SAP130: variants seen among roughly 807,000 people sequenced by gnomAD.
SAP130 encodes the protein Sin3A associated protein 130.
A neutral mutation model predicts 103.2 loss-of-function variants in SAP130; 16 were observed. The observed-to-expected ratio is 0.16, with a 90% CI of 0.10 to 0.24. The LOEUF is 0.24. SAP130 is among the 10% of genes least tolerant of loss of function. The pLI is 1.00. For missense variants in SAP130, 990 were observed against 1,359.7 expected (o/e 0.73, Z 4.28); for synonymous variants, 477 against 497.0 (o/e 0.96, Z 0.53).
chr2:128,016,286 C>T, intron 4 of SAP130, 103 bp downstream of exon 4: 3 of 1,252,744 alleles, frequency 2.4e-6, no homozygotes, highest in South Asian at 2.9e-5. Context: ...ACTGTTTGAT[C>T]TTTTTTTATT....
At chr2:127,983,219 C>T (rs1239956587) in intron 14 of SAP130, among the ~76,000 whole-genome samples, 1 of 152,162 alleles carries the variant, frequency 6.6e-6, no homozygotes, top group Non-Finnish European at 1.5e-5. Flanking sequence ...CCATATGGTA[C>T]TACTGAGCAA....
In SAP130 at chr2:128,016,350, T is replaced by C. The variant is rs746421925; in HGVS notation, c.507+39A>G. The stretch of plus-strand genomic sequence containing the variant: ...ATAAATCATGATCAACAGTTTGGCA[T>C]TTCAGTTTGAAAATCAGCAAATTAA... On this transcript the variant is annotated intron_variant, in intron 4 of 20. Coordinates refer to ENST00000643581, the MANE Select transcript of SAP130 (RefSeq NM_001330301.2). 2.5e-6 allele frequency: 4 copies of C among 1,594,196 alleles called. No individual in the cohort carries two copies. In the South Asian group the frequency reaches 4.5e-5, roughly 18 times the overall value.
In SAP130 at chr2:127,989,410, GA is replaced by G. The variant is rs1219738277; in HGVS notation, c.1780+153del. Among the ~76,000 whole-genome samples, 1 of 152,084 alleles carries G rather than the reference GA, an allele frequency of 6.6e-6. No individual in the cohort carries two copies. The highest frequency in any genetic ancestry group is 2.4e-5 in the African/African-American group (1 of 41,400). ...TATTTCTAACGTTTACAGTGACCCTGAAACTCTAAGTTCTAAGCAACTCATA... is the reference window on the plus strand; with the variant it reads ...TATTTCTAACGTTTACAGTGACCCTGAACTCTAAGTTCTAAGCAACTCATA... On this transcript the variant is annotated intron_variant, in intron 13 of 20. Coordinates refer to ENST00000643581, the MANE Select transcript of SAP130 (RefSeq NM_001330301.2). The surrounding 1 kb of genome is among the most constrained non-coding windows in gnomAD (Gnocchi z 4.6).
chr2:127,993,047 C>G, intron 12 of SAP130, 140 bp downstream of exon 12: 1 of 1,122,330 alleles, frequency 8.9e-7, no homozygotes. Flanking sequence ...TTAAGACCTT[C>G]AAGCTTCACA....
At position 127,989,818 on chromosome 2, in the gene SAP130, C is replaced by T; in HGVS notation, c.1526G>A (p.Gly509Glu). ...GTTTAGGTGGACGGTAGACGCTACC[C>T]CAACACCAGTCTGAGCTGTGATGGC... ...NSAITAQTGV[G>E]VASTVHLNPM... The change falls in exon 13 of 21, where the codon GGG (glycine) becomes GAG (glutamate). Residue 509 changes from glycine (G) to glutamate (E), a missense_variant. Physicochemically the swap from Gly to Glu is moderately conservative, Grantham distance 98. Around this residue, in one of 6 missense-constraint regions of SAP130, gnomAD observed 336 missense variants for 520.1 expected, o/e 0.65. Coordinates refer to ENST00000643581, the MANE Select transcript of SAP130 (RefSeq NM_001330301.2). The surrounding 1 kb of genome is among the most constrained non-coding windows in gnomAD (Gnocchi z 4.6). 1 of 1,614,106 alleles carries T rather than the reference C, an allele frequency of 6.2e-7. No homozygotes were observed. Among genetic ancestry groups the T allele is most frequent in the South Asian group, 1.1e-5 (1 of 91,074 alleles).
At chr2:127,954,899 G>T in intron 16 of SAP130, 87 bp downstream of exon 16, 1 of 1,053,796 alleles carries the variant, frequency 9.5e-7, no homozygotes, top group Middle Eastern at 2.1e-4. Context: ...CTTGGCTGAG[G>T]GTTACAGAAG....
intron 2 of SAP130, among the ~76,000 whole-genome samples, chr2:128,020,664 G>C (rs976178590): frequency 6.6e-6 from 1 of 152,258 alleles, no homozygotes; most frequent in South Asian, 2.1e-4. Context: ...TATATACCTA[G>C]GATTAGAACT....
chr2:127,978,625 G>C (rs944156701), intron 14 of SAP130, among the ~76,000 whole-genome samples: 1 of 152,132 alleles, frequency 6.6e-6, no homozygotes, highest in East Asian at 1.9e-4. Flanking sequence ...GTTTAGTTTT[G>C]ACAGAGTGGT....
intron 14 of SAP130, among the ~76,000 whole-genome samples, chr2:127,982,006 A>G (rs972128184): frequency 3.3e-5 from 5 of 152,196 alleles, no homozygotes; most frequent in Non-Finnish European, 7.3e-5. Flanking sequence ...CTGACCTTAC[A>G]GTAACATTGT....
At chr2:127,993,084 T>C in intron 12 of SAP130, 103 bp downstream of exon 12, 1 of 1,354,050 alleles carries the variant, frequency 7.4e-7, no homozygotes, top group East Asian at 2.3e-5. Context: ...AAACAGAAGC[T>C]GAAATAATTA....
Position 128,028,031 on chromosome 2 carries a change from C to G in SAP130, c.-98G>C. 3 of 963,850 alleles carry G rather than the reference C, an allele frequency of 3.1e-6. No homozygotes were observed. The highest frequency in any genetic ancestry group is 3.7e-6 in the Non-Finnish European group (3 of 810,052). 59.7% of individuals were successfully genotyped at this position (963,850 alleles called of 1,614,324 possible). Reference sequence around the variant, plus strand: ...GGCCGACGTCCCCAGGCTCCGGACCCGCAGCCACCGCCGGGGAGCTAGCAC... The same window carrying G: ...GGCCGACGTCCCCAGGCTCCGGACCGGCAGCCACCGCCGGGGAGCTAGCAC... On this transcript the variant is annotated 5_prime_UTR_variant, in exon 1 of 21. Coordinates refer to ENST00000643581, the MANE Select transcript of SAP130 (RefSeq NM_001330301.2).
At chr2:127,990,539 T>C (rs1201540345) in intron 12 of SAP130, among the ~76,000 whole-genome samples, 1 of 152,214 alleles carries the variant, frequency 6.6e-6, no homozygotes, top group Non-Finnish European at 1.5e-5. Flanking sequence ...AAGCTACCTT[T>C]TCCCTAAATA....
At chr2:127,993,086 A>G in intron 12 of SAP130, 101 bp downstream of exon 12, 1 of 1,361,700 alleles carries the variant, frequency 7.3e-7, no homozygotes, top group East Asian at 2.3e-5. Context: ...ACAGAAGCTG[A>G]AATAATTAAT....
At position 127,985,143 on chromosome 2, in the gene SAP130, T is replaced by C. The variant is rs1682278956; in HGVS notation, c.1958+1642A>G. Among the ~76,000 whole-genome samples the C allele has an allele frequency of 2.0e-5, 3 of 152,374 alleles. No homozygotes were observed. The South Asian group carries it at 6.2e-4, about 32-fold the overall frequency. On this transcript the variant is annotated intron_variant, in intron 14 of 20. Coordinates refer to ENST00000643581, the MANE Select transcript of SAP130 (RefSeq NM_001330301.2). Reference sequence around the variant, plus strand: ...CCTGTTCTCCCCATCCTTGTGTGTTTACAACTTTTTTGAAAAAAAGTTATA... The same window carrying C: ...CCTGTTCTCCCCATCCTTGTGTGTTCACAACTTTTTTGAAAAAAAGTTATA...
At chr2:128,006,347 TGACA>T (rs1683973525) in intron 7 of SAP130, among the ~76,000 whole-genome samples, 2 of 152,352 alleles carry the variant, frequency 1.3e-5, no homozygotes, top group South Asian at 2.1e-4. Context: ...GTCAAAGAAC[TGACA>T]GACTGAATGT....
intron 14 of SAP130, among the ~76,000 whole-genome samples, chr2:127,985,007 G>C (rs1191332359): frequency 6.6e-6 from 1 of 152,232 alleles, no homozygotes; most frequent in Non-Finnish European, 1.5e-5. Flanking sequence ...AATTTTAAAA[G>C]AGGATGGTTC....
intron 15 of SAP130, among the ~76,000 whole-genome samples, chr2:127,972,632 C>T (rs1008759714): frequency 3.9e-5 from 6 of 152,064 alleles, no homozygotes; most frequent in Non-Finnish European, 5.9e-5. Flanking sequence ...ATGGTGGGTG[C>T]CTTTAATCCC....
rs1179543644 is a variant in SAP130 at position 127,953,834 on chromosome 2, T to A, written c.2422+1152A>T. ...CCTGGCTACAGCTTTCCTTATATTT[T>A]GTCCCTGCTTTGTTTCTCCATAGAA... On this transcript the variant is annotated intron_variant, in intron 16 of 20. Coordinates refer to ENST00000643581, the MANE Select transcript of SAP130 (RefSeq NM_001330301.2). This position sits in a 1 kb window ranked among gnomAD's most constrained non-coding sequence, Gnocchi z 4.0. Among the ~76,000 whole-genome samples, 1 of 152,192 alleles carries A rather than the reference T, an allele frequency of 6.6e-6. No individual in the cohort carries two copies. The highest frequency in any genetic ancestry group is 2.4e-5 in the African/African-American group (1 of 41,446).
intron 15 of SAP130, among the ~76,000 whole-genome samples, chr2:127,967,010 A>G (rs1461077107): frequency 6.6e-6 from 1 of 152,224 alleles, no homozygotes; most frequent in Non-Finnish European, 1.5e-5. Context: ...AAAGAAAGCT[A>G]CGGGCCTATA....
Sources: gnomAD v4.1 joint callset for allele counts (sites outside exome capture counted in the v4.1 genomes callset) on GRCh38, gnomAD v4.1.1 for gene constraint, gnomAD v4.1.1 regional missense constraint, Gnocchi (gnomAD v3.1) non-coding constraint, MANE v1.5 for transcripts, NCBI Gene and HGNC (gene_info 2026-07-23, HGNC 2026-07-21) for gene names.